SYT6: variants seen among roughly 807,000 people sequenced by gnomAD.
SYT6 encodes synaptotagmin-6.
Under a neutral mutation model 38.4 loss-of-function variants are expected in SYT6, and 24 were observed. The ratio of observed to expected loss-of-function variants is 0.62; its 90% CI spans 0.45 to 0.88. SYT6 has a LOEUF of 0.88. Among genes scored for constraint, SYT6 ranks in the 40% least tolerant of loss-of-function variants. The pLI, the probability that SYT6 is intolerant of heterozygous loss-of-function variation, is 0.00. For missense variants in SYT6, 611 were observed against 621.0 expected (o/e 0.98, Z 0.17); for synonymous variants, 265 against 241.9 (o/e 1.10, Z -0.89).
chr1:114,104,426 G>T (rs1676157987), intron 3 of SYT6, among the ~76,000 whole-genome samples: 1 of 152,182 alleles, frequency 6.6e-6, no homozygotes, highest in Non-Finnish European at 1.5e-5. Context: ...AGGGATTCCT[G>T]GGAGTTTCTG....
chr1:114,131,894 G>A (rs1047651970), intron 3 of SYT6, among the ~76,000 whole-genome samples: 1 of 152,262 alleles, frequency 6.6e-6, no homozygotes, highest in Non-Finnish European at 1.5e-5. Flanking sequence ...AGTCCACAAA[G>A]AAAAAACAGA....
At chr1:114,112,425 GC>G (rs1676743400) in intron 3 of SYT6, among the ~76,000 whole-genome samples, 1 of 152,236 alleles carries the variant, frequency 6.6e-6, no homozygotes, top group Non-Finnish European at 1.5e-5. Context: ...TCGTGAACCT[GC>G]CCTTGAAAAG....
At chr1:114,109,219 T>A (rs1676523056) in intron 3 of SYT6, among the ~76,000 whole-genome samples, 1 of 152,180 alleles carries the variant, frequency 6.6e-6, no homozygotes, top group South Asian at 2.1e-4. Context: ...ACTCTAACTT[T>A]TATGTTGATC....
rs1367755063 is a variant in SYT6 at position 114,111,705 on chromosome 1, C to T, written c.1072-7984G>A. 5.1e-5 allele frequency among the ~76,000 whole-genome samples: 3 copies of T among 59,272 alleles called. No individual in the cohort carries two copies. The East Asian group carries it at 1.2e-3, about 23-fold the overall frequency. The allele number at this position is 59,272 out of a possible 152,430, so 38.9% of individuals were successfully genotyped here. ...CCAAGGGAGAAATCTTACAACTGCCCCAAGGCAAAGTCAGGACTTCCGAGA... is the reference window on the plus strand; with the variant it reads ...CCAAGGGAGAAATCTTACAACTGCCTCAAGGCAAAGTCAGGACTTCCGAGA... On this transcript the variant is annotated intron_variant, in intron 3 of 7. Transcript: ENST00000610222.
At chr1:114,151,224 T>C (rs931672423) in intron 1 of SYT6, among the ~76,000 whole-genome samples, 1 of 152,070 alleles carries the variant, frequency 6.6e-6, no homozygotes, top group Admixed American at 6.6e-5. Context: ...CCACTATCTT[T>C]CTCTTGCTAT....
chr1:114,110,184 C>T (rs1373879751), intron 3 of SYT6, among the ~76,000 whole-genome samples: 1 of 152,210 alleles, frequency 6.6e-6, no homozygotes, highest in African/African-American at 2.4e-5. Flanking sequence ...TCACCTTCAA[C>T]CCAGACACCC....
chr1:114,116,127 G>A (rs75113038), intron 3 of SYT6, among the ~76,000 whole-genome samples: 15 of 152,324 alleles, frequency 9.8e-5, no homozygotes, highest in South Asian at 4.1e-4. Flanking sequence ...GTCACCCTGC[G>A]TTACAGACTA....
In SYT6 at chr1:114,153,819, C is replaced by G. The variant is rs377063604; in HGVS notation, c.-47G>C. On this transcript the variant is annotated 5_prime_UTR_variant, in exon 1 of 8. Coordinates refer to ENST00000610222, the MANE Select transcript of SYT6 (RefSeq NM_001253772.2). ...CGAGCAGCAGCTCGAACCCGCGCCCCGGCCGCACTGGGGCGGGGCACGACG... is the reference window on the plus strand; with the variant it reads ...CGAGCAGCAGCTCGAACCCGCGCCCGGGCCGCACTGGGGCGGGGCACGACG... 3.3e-6 allele frequency: 2 copies of G among 599,642 alleles called. No homozygotes were observed. Among genetic ancestry groups the G allele is most frequent in the African/African-American group, 2.0e-5 (1 of 50,632 alleles). 37.1% of individuals were successfully genotyped at this position (599,642 alleles called of 1,614,324 possible).
chr1:114,115,271 T>C (rs1278278951), intron 3 of SYT6, among the ~76,000 whole-genome samples: 2 of 152,188 alleles, frequency 1.3e-5, no homozygotes, highest in Non-Finnish European at 2.9e-5. Flanking sequence ...GAAGAACCAA[T>C]TGAACACGAA....
intron 6 of SYT6, among the ~76,000 whole-genome samples, chr1:114,094,469 T>C (rs527305590): frequency 6.6e-6 from 1 of 152,154 alleles, no homozygotes; most frequent in South Asian, 2.1e-4. Flanking sequence ...GTAACAATGA[T>C]GACACATGGC....
chr1:114,138,833 G>A (rs1332542053), intron 2 of SYT6, among the ~76,000 whole-genome samples: 1 of 152,172 alleles, frequency 6.6e-6, no homozygotes, highest in Non-Finnish European at 1.5e-5. Context: ...GGGAAGGTGA[G>A]GAACTTGCCC....
intron 3 of SYT6, among the ~76,000 whole-genome samples, chr1:114,118,759 C>G (rs189047342): frequency 2.0e-5 from 3 of 152,320 alleles, no homozygotes; most frequent in Non-Finnish European, 2.9e-5. Context: ...CATCCTCCCC[C>G]ACCCCCATCT....
In SYT6 at chr1:114,091,148, T is replaced by C. The variant is rs187747967; in HGVS notation, c.*986A>G. 3 of 152,952 alleles carry C rather than the reference T, an allele frequency of 2.0e-5. No individual in the cohort carries two copies. Among genetic ancestry groups the C allele is most frequent in the East Asian group, 1.9e-4 (1 of 5,326 alleles). The allele number at this position is 152,952 out of a possible 1,614,324, so 9.5% of individuals were successfully genotyped here. On this transcript the variant is annotated 3_prime_UTR_variant, in exon 8 of 8. Coordinates refer to ENST00000610222, the MANE Select transcript of SYT6 (RefSeq NM_001253772.2). ...TTAGGCATTTTAAACAGCAGCTTGA[T>C]ACTTCATGGAATTATAAAGCTATGT...
At chr1:114,123,588 C>G (rs1411398057) in intron 3 of SYT6, among the ~76,000 whole-genome samples, 2 of 152,190 alleles carry the variant, frequency 1.3e-5, no homozygotes, top group Non-Finnish European at 2.9e-5. Flanking sequence ...CCCTCTGTCT[C>G]TCCCCCTGCA....
intron 3 of SYT6, among the ~76,000 whole-genome samples, chr1:114,124,978 A>T (rs1471610779): frequency 2.6e-5 from 4 of 152,220 alleles, no homozygotes; most frequent in Non-Finnish European, 4.4e-5. Context: ...CCTGGCACAC[A>T]GGAGGCCAAG....
chr1:114,092,900 T>C (rs1186816217), intron 7 of SYT6, among the ~76,000 whole-genome samples: 1 of 152,244 alleles, frequency 6.6e-6, no homozygotes, highest in African/African-American at 2.4e-5. Context: ...GGGGGCTTTA[T>C]GTTAATAACT....
intron 3 of SYT6, among the ~76,000 whole-genome samples, chr1:114,132,593 G>A (rs1360399408): frequency 6.6e-6 from 1 of 152,120 alleles, no homozygotes; most frequent in Non-Finnish European, 1.5e-5. Flanking sequence ...ACTTTTTCAA[G>A]GTCACACAGA....
At chr1:114,128,153 CA>C (rs1677853009) in intron 3 of SYT6, among the ~76,000 whole-genome samples, 1 of 152,236 alleles carries the variant, frequency 6.6e-6, no homozygotes, top group South Asian at 2.1e-4. Context: ...CCCAGGCCCC[CA>C]GACTCAGGCA....
chr1:114,133,658 A>C (rs1181569946), intron 3 of SYT6, among the ~76,000 whole-genome samples: 2 of 152,174 alleles, frequency 1.3e-5, no homozygotes, highest in Non-Finnish European at 2.9e-5. Flanking sequence ...GGGTGCAGTG[A>C]ACTCCCAAAA....
Sources: allele counts gnomAD v4.1 joint callset (sites outside exome capture counted in the v4.1 genomes callset), GRCh38; gene constraint gnomAD v4.1.1; transcripts MANE v1.5; gene names NCBI Gene and HGNC (gene_info 2026-07-23, HGNC 2026-07-21).